Variants in NSUN6 observed in about 807,000 individuals in gnomAD.
NSUN6 encodes NOP2/Sun RNA methyltransferase 6, also known as tRNA (cytosine(72)-C(5))-methyltransferase NSUN6.
A neutral mutation model predicts 58.0 loss-of-function variants in NSUN6; 64 were observed. The ratio of observed to expected loss-of-function variants is 1.10; its 90% CI spans 0.90 to 1.36. The LOEUF is 1.36. Among genes scored for constraint, NSUN6 ranks in the 40% most tolerant of loss-of-function variants. The pLI, the probability that NSUN6 is intolerant of heterozygous loss-of-function variation, is 0.00. For missense variants in NSUN6, 701 were observed against 550.1 expected, an observed-to-expected ratio of 1.27 and a Z score of -2.74; for synonymous variants, 231 against 193.9, an observed-to-expected ratio of 1.19 and a Z score of -1.59.
At chr10:18,658,726 G>A (rs575121246), upstream of NSUN6, 16 of 852,666 alleles carry the variant, frequency 1.9e-5, no homozygotes, top group East Asian at 3.7e-4. Context: ...GACAGGGGCC[G>A]GGCGCGGTGG....
chr10:18,657,419 C>G (rs2059789232), upstream of NSUN6, among the ~76,000 whole-genome samples: 1 of 151,946 alleles, frequency 6.6e-6, no homozygotes, highest in Non-Finnish European at 1.5e-5. Flanking sequence ...CTGAAAACTT[C>G]AACACTAAAG....
chr10:18,658,464 C>T, upstream of NSUN6: 1 of 156,734 alleles, frequency 6.4e-6, no homozygotes, highest in Non-Finnish European at 1.4e-5. Context: ...CGTTTCATGC[C>T]AGGCTGTGAA....
At chr10:18,581,397 C>A (rs1023485376) in intron 8 of NSUN6, among the ~76,000 whole-genome samples, 1 of 152,198 alleles carries the variant, frequency 6.6e-6, no homozygotes, top group Non-Finnish European at 1.5e-5. Flanking sequence ...GTGGTCCTCA[C>A]TGCTACACTC....
At chr10:18,567,338 A>C (rs1307313283) in intron 8 of NSUN6, among the ~76,000 whole-genome samples, 1 of 148,298 alleles carries the variant, frequency 6.7e-6, no homozygotes, top group African/African-American at 2.5e-5. Context: ...ATTCCATTCC[A>C]TTCCATTCTA....
chr10:18,593,848 G>A (rs1436000003), intron 7 of NSUN6, among the ~76,000 whole-genome samples: 1 of 150,350 alleles, frequency 6.7e-6, no homozygotes, highest in Non-Finnish European at 1.5e-5. Flanking sequence ...ACATTCTGCA[G>A]GTGTATTGCA....
intron 6 of NSUN6, among the ~76,000 whole-genome samples, chr10:18,597,900 T>A (rs2057656655): frequency 2.6e-5 from 4 of 152,172 alleles, no homozygotes; most frequent in Admixed American, 2.6e-4. Flanking sequence ...ACAAGCAAAT[T>A]TCTTCCTCTG....
chr10:18,555,221 G>A (rs542072445), intron 8 of NSUN6, among the ~76,000 whole-genome samples: 4 of 149,138 alleles, frequency 2.7e-5, no homozygotes, highest in African/African-American at 7.4e-5. Context: ...TGGAATGGAG[G>A]ATGAAATGGA....
At chr10:18,567,405 T>C (rs146319391) in intron 8 of NSUN6, among the ~76,000 whole-genome samples, 3,085 of 150,506 alleles carry the variant, frequency 0.02, 49 homozygotes, top group Non-Finnish European at 0.031. Flanking sequence ...TTCTCCATCA[T>C]TGCATTTCAT....
intron 5 of NSUN6, among the ~76,000 whole-genome samples, chr10:18,611,594 A>G (rs2058238409): frequency 6.6e-6 from 1 of 152,100 alleles, no homozygotes. Context: ...CAGTGGCACA[A>G]TCATAGCTCA....
chr10:18,617,623 A>G (rs528593997), intron 3 of NSUN6, among the ~76,000 whole-genome samples: 1 of 151,954 alleles, frequency 6.6e-6, no homozygotes, highest in Non-Finnish European at 1.5e-5. Flanking sequence ...CAGGATCCCA[A>G]ATCTTTTCAT....
At chr10:18,629,434 G>T (rs1297282115) in intron 3 of NSUN6, among the ~76,000 whole-genome samples, 3 of 151,378 alleles carry the variant, frequency 2.0e-5, no homozygotes, top group East Asian at 2.0e-4. Context: ...TGGACTAAAT[G>T]CTCCAATTAA....
At chr10:18,575,032 A>C (rs1332928293) in intron 8 of NSUN6, among the ~76,000 whole-genome samples, 2 of 152,148 alleles carry the variant, frequency 1.3e-5, no homozygotes, top group Non-Finnish European at 2.9e-5. Flanking sequence ...TCAAAAAGGA[A>C]AAACTAATAA....
chr10:18,612,812 A>C (rs1388020129), intron 5 of NSUN6, among the ~76,000 whole-genome samples: 1 of 152,204 alleles, frequency 6.6e-6, no homozygotes, highest in Non-Finnish European at 1.5e-5. Flanking sequence ...TCCATATAAT[A>C]ATGCAAAGTA....
intron 8 of NSUN6, among the ~76,000 whole-genome samples, chr10:18,570,499 ATCC>A (rs2056285692): frequency 7.5e-6 from 1 of 132,788 alleles, no homozygotes; most frequent in Non-Finnish European, 1.6e-5. Flanking sequence ...ATTCCATTCC[ATCC>A]TCCTTTCCAT....
At chr10:18,552,352 C>T (rs1040288860) in intron 8 of NSUN6, among the ~76,000 whole-genome samples, 5 of 150,646 alleles carry the variant, frequency 3.3e-5, no homozygotes, top group Non-Finnish European at 5.9e-5. Flanking sequence ...CAAGAAAATG[C>T]CTGTTTGACT....
chr10:18,610,280 A>T (rs1348903865), intron 5 of NSUN6, among the ~76,000 whole-genome samples: 1 of 152,118 alleles, frequency 6.6e-6, no homozygotes, highest in Non-Finnish European at 1.5e-5. Context: ...CCTGGGAGGC[A>T]GAGGTTGCAG....
At chr10:18,600,961 C>CACATAT (rs1440184919) in intron 6 of NSUN6, among the ~76,000 whole-genome samples, 1 of 47,814 alleles carries the variant, frequency 2.1e-5, no homozygotes, top group African/African-American at 7.6e-5. Context: ...TATATATATA[C>CACATAT]ATATATATAT....
intron 6 of NSUN6, among the ~76,000 whole-genome samples, chr10:18,597,433 C>G (rs1401467093): frequency 6.6e-6 from 1 of 152,140 alleles, no homozygotes. Context: ...TCAATTCATT[C>G]CTACCAAAAG....
intron 10 of NSUN6, among the ~76,000 whole-genome samples, chr10:18,546,711 C>G (rs1384788960): frequency 6.6e-6 from 1 of 152,002 alleles, no homozygotes; most frequent in African/African-American, 2.4e-5. Flanking sequence ...CACCCTGTCT[C>G]TACCAAAAAT....
Sources: allele counts gnomAD v4.1 joint callset (sites outside exome capture counted in the v4.1 genomes callset), GRCh38; gene constraint gnomAD v4.1.1; transcripts MANE v1.5; gene names NCBI Gene and HGNC (gene_info 2026-07-23, HGNC 2026-07-21).